Variants in KCNMB1 observed in about 807,000 individuals in gnomAD.
KCNMB1 encodes calcium-activated potassium channel subunit beta-1.
In KCNMB1, 22 loss-of-function variants were observed where a neutral mutation model predicts 21.7. The ratio of observed to expected loss-of-function variants is 1.01; its 90% CI spans 0.72 to 1.45. The LOEUF is 1.45. Ranked by LOEUF, KCNMB1 falls within the 40% of genes most tolerant of loss-of-function variation. KCNMB1 has a pLI of 0.00. For missense variants in KCNMB1, 243 were observed against 243.4 expected, an observed-to-expected ratio of 1.00 and a Z score of 0.01; for synonymous variants, 114 against 107.6, an observed-to-expected ratio of 1.06 and a Z score of -0.37.
intron 2 of KCNMB1, among the ~76,000 whole-genome samples, chr5:170,384,197 G>A (rs1241074077): frequency 6.6e-6 from 1 of 152,206 alleles, no homozygotes; most frequent in Non-Finnish European, 1.5e-5. Flanking sequence ...GGCCCTGGGT[G>A]TTTTTTCAAA....
Position 170,378,428 on chromosome 5 carries a change from G to T in KCNMB1, c.*276C>A. The stretch of plus-strand genomic sequence containing the variant: ...CACATAGTGATGCAGCCGGAAACAG[G>T]TATGAGTCAGTTGAGTGGGGACAGG... On this transcript the variant is annotated 3_prime_UTR_variant, in exon 4 of 4. Coordinates refer to ENST00000274629, the MANE Select transcript of KCNMB1 (RefSeq NM_004137.4). The T allele has an allele frequency of 2.5e-6, 1 of 407,692 alleles. No homozygotes were observed. Among genetic ancestry groups the T allele is most frequent in the Admixed American group, 4.1e-5 (1 of 24,134 alleles). 25.3% of individuals were successfully genotyped at this position (407,692 alleles called of 1,614,324 possible). A position where few individuals can be genotyped will look rare whatever the true frequency, so the allele number is the denominator to read the frequency against.
rs1442946486 is a variant in KCNMB1, at chr5:170,374,923, G to A, written c.*3781C>T. The A allele has an allele frequency of 6.6e-6, 1 of 152,186 alleles. No homozygotes were observed. Among genetic ancestry groups the A allele is most frequent in the Non-Finnish European group, 1.5e-5 (1 of 68,040 alleles). The allele number at this position is 152,186 out of a possible 1,614,324, so 9.4% of individuals were successfully genotyped here. On this transcript the variant is annotated 3_prime_UTR_variant, in exon 4 of 4. Coordinates refer to ENST00000274629, the MANE Select transcript of KCNMB1 (RefSeq NM_004137.4). ...GTCATCATTAATAATTTATGGGACAGTGGGGGTTAGGCATCCTCACATACT... is the reference window on the plus strand; with the variant it reads ...GTCATCATTAATAATTTATGGGACAATGGGGGTTAGGCATCCTCACATACT...
intron 1 of KCNMB1, among the ~76,000 whole-genome samples, chr5:170,385,838 G>A (rs1257011215): frequency 6.6e-6 from 1 of 152,012 alleles, no homozygotes; most frequent in African/African-American, 2.4e-5. Context: ...GGCTCTTGAA[G>A]GCCAGGTGCG....
chr5:170,383,950 T>C, intron 2 of KCNMB1, 100 bp from the exon 3 acceptor site: 3 of 1,262,804 alleles, frequency 2.4e-6, no homozygotes, highest in Non-Finnish European at 3.3e-6. Flanking sequence ...TCTAGAGGGA[T>C]CCAGGACTGG....
In KCNMB1 at chr5:170,378,449, A is replaced by C; in HGVS notation, c.*255T>G. 2.2e-6 allele frequency: 1 copy of C among 464,986 alleles called. No individual in the cohort carries two copies. Among genetic ancestry groups the C allele is most frequent in the Non-Finnish European group, 3.8e-6 (1 of 264,008 alleles). 28.8% of individuals were successfully genotyped at this position (464,986 alleles called of 1,614,324 possible). ...ACAGGTATGAGTCAGTTGAGTGGGG[A>C]CAGGTAATAGAGAGCTAGAACTGGC... On this transcript the variant is annotated 3_prime_UTR_variant, in exon 4 of 4. Transcript: ENST00000274629.
chr5:170,381,723 C>A (rs539965771), intron 3 of KCNMB1, among the ~76,000 whole-genome samples: 1 of 152,352 alleles, frequency 6.6e-6, no homozygotes, highest in East Asian at 1.9e-4. Flanking sequence ...CTCCTCTGAG[C>A]TGGCAATCTC....
intron 2 of KCNMB1, among the ~76,000 whole-genome samples, chr5:170,384,653 A>G (rs998875041): frequency 6.6e-6 from 1 of 152,220 alleles, no homozygotes; most frequent in African/African-American, 2.4e-5. Flanking sequence ...CAGGTCTGAG[A>G]CTTATCCTAA....
Position 170,375,116 on chromosome 5 carries a change from A to T in KCNMB1, c.*3588T>A, listed in dbSNP as rs2036891319. On this transcript the variant is annotated 3_prime_UTR_variant, in exon 4 of 4. Coordinates refer to ENST00000274629, the MANE Select transcript of KCNMB1 (RefSeq NM_004137.4). ...CCTTTCTTATTTTTCTTCCTTTTTT[A>T]ACTTAAATTTTTGAGATAATTGTAG... 6.6e-6 allele frequency: 1 copy of T among 152,164 alleles called. No individual in the cohort carries two copies. The highest frequency in any genetic ancestry group is 6.5e-5 in the Admixed American group (1 of 15,284). 9.4% of individuals were successfully genotyped at this position (152,164 alleles called of 1,614,324 possible).
intron 3 of KCNMB1, among the ~76,000 whole-genome samples, chr5:170,380,968 A>T (rs1249792157): frequency 6.6e-6 from 1 of 152,166 alleles, no homozygotes; most frequent in Non-Finnish European, 1.5e-5. Flanking sequence ...CACGATAAGA[A>T]CTCAAAAAAG....
intron 1 of KCNMB1, among the ~76,000 whole-genome samples, chr5:170,386,484 G>A (rs757932164): frequency 6.6e-6 from 1 of 152,198 alleles, no homozygotes; most frequent in Non-Finnish European, 1.5e-5. Context: ...TAGGTCCCAT[G>A]CGGTGAGCGA....
rs144311998 is a variant in KCNMB1 at position 170,388,692 on chromosome 5, C to T, written c.-25+567G>A. On this transcript the variant is annotated intron_variant, in intron 1 of 3. Coordinates refer to ENST00000274629, the MANE Select transcript of KCNMB1 (RefSeq NM_004137.4). Reference sequence around the variant, plus strand: ...ACAGTTTGGTGGGGTGTGGACAGGGCGATTCTGAGGTCCTCAGACATGGAA... The same window carrying T: ...ACAGTTTGGTGGGGTGTGGACAGGGTGATTCTGAGGTCCTCAGACATGGAA... Among the ~76,000 whole-genome samples, 138 of 152,184 alleles carry T rather than the reference C, an allele frequency of 9.1e-4. 1 individual carries two copies. In the Middle Eastern group the frequency reaches 0.01, roughly 11 times the overall value.
chr5:170,386,127 A>AAAC (rs1554088469), intron 1 of KCNMB1, among the ~76,000 whole-genome samples: 8 of 152,060 alleles, frequency 5.3e-5, no homozygotes, highest in African/African-American at 1.9e-4. Context: ...TCCGTCAAAA[A>AAAC]AAAAAACAAA....
chr5:170,389,006 A>T (rs561141365), intron 1 of KCNMB1, among the ~76,000 whole-genome samples: 1 of 152,200 alleles, frequency 6.6e-6, no homozygotes, highest in Non-Finnish European at 1.5e-5. Flanking sequence ...TCCAGGCTGC[A>T]GCCTTCTGGC....
At position 170,388,850 on chromosome 5, in the gene KCNMB1, C is replaced by T. The variant is rs1321590852; in HGVS notation, c.-25+409G>A. Among the ~76,000 whole-genome samples the T allele has an allele frequency of 5.9e-5, 9 of 152,230 alleles. 1 individual carries two copies. Among genetic ancestry groups the T allele is most frequent in the Admixed American group, 5.9e-4 (9 of 15,282 alleles). On this transcript the variant is annotated intron_variant, in intron 1 of 3. Transcript: ENST00000274629. ...ATCAGACATGTATCATAGCACCTAG[C>T]CCCAAATCAGCCCCCAGTAAATATT...
intron 3 of KCNMB1, 105 bp from the exon 4 acceptor site, chr5:170,379,078 G>C: frequency 7.3e-7 from 1 of 1,371,372 alleles, no homozygotes; most frequent in Non-Finnish European, 9.9e-7. Context: ...TCGGGCCCCT[G>C]GATTGGAGTC....
intron 3 of KCNMB1, among the ~76,000 whole-genome samples, chr5:170,379,656 A>G (rs1764159909): frequency 6.6e-6 from 1 of 152,226 alleles, no homozygotes; most frequent in South Asian, 2.1e-4. Flanking sequence ...CAGACCTCCA[A>G]CACTTTAAGA....
intron 3 of KCNMB1, among the ~76,000 whole-genome samples, chr5:170,380,463 C>T (rs911254700): frequency 2.0e-5 from 3 of 152,244 alleles, no homozygotes; most frequent in African/African-American, 7.2e-5. Context: ...CTCGGCCACT[C>T]CCTGGATTTA....
At chr5:170,383,425 T>C in intron 3 of KCNMB1, 2 of 605,782 alleles carry the variant, frequency 3.3e-6, no homozygotes, top group Non-Finnish European at 5.9e-6. Flanking sequence ...CATTCCACTT[T>C]ACAAGGGTGG....
At chr5:170,383,203 C>T (rs1764321260) in intron 3 of KCNMB1, 1 of 259,942 alleles carries the variant, frequency 3.8e-6, no homozygotes, top group Admixed American at 4.9e-5. Context: ...TTACTCCAGC[C>T]CTGAGTCCCT....
Sources: gnomAD v4.1 joint callset for allele counts (sites outside exome capture counted in the v4.1 genomes callset) on GRCh38, gnomAD v4.1.1 for gene constraint, MANE v1.5 for transcripts, NCBI Gene and HGNC (gene_info 2026-07-23, HGNC 2026-07-21) for gene names.